Variants in IMPDH1 observed in about 807,000 individuals in gnomAD.
IMPDH1 encodes inosine-5'-monophosphate dehydrogenase 1.
IMPDH1 carries 41 observed loss-of-function variants against 73.5 expected under a neutral mutation model. The ratio of observed to expected loss-of-function variants is 0.56; its 90% CI spans 0.43 to 0.72. The LOEUF (loss-of-function observed/expected upper bound fraction) is 0.72. IMPDH1 is among the 30% of genes least tolerant of loss of function. The pLI, the probability that IMPDH1 is intolerant of heterozygous loss-of-function variation, is 0.00. For missense variants in IMPDH1, 645 were observed against 824.8 expected, an observed-to-expected ratio of 0.78 and a Z score of 2.67; for synonymous variants, 318 against 334.3, an observed-to-expected ratio of 0.95 and a Z score of 0.53.
At chr7:128,406,397 C>T (rs1171294914) in intron 3 of IMPDH1, among the ~76,000 whole-genome samples, 1 of 149,870 alleles carries the variant, frequency 6.7e-6, no homozygotes, top group Non-Finnish European at 1.5e-5. Flanking sequence ...TCTGCCGTTC[C>T]CCAATCCCCA....
At chr7:128,393,070 G>A (rs1797643078) in intron 16 of IMPDH1, 42 bp from the exon 17 acceptor site, 1 of 1,610,854 alleles carries the variant, frequency 6.2e-7, no homozygotes, top group South Asian at 1.1e-5. Flanking sequence ...GTGGGTGTGT[G>A]GACCCTGCTC....
In IMPDH1 at chr7:128,396,072, C is replaced by T. The variant is rs1284207178; in HGVS notation, c.1261+528G>A. ...ACCCAAGTCTTCCAGGCAGCCACCC[C>T]ACAAGTCAGATACCAGCCTCCAGGG... On this transcript the variant is annotated intron_variant, in intron 12 of 16. Transcript: ENST00000338791. The surrounding 1 kb of genome is among the most constrained non-coding windows in gnomAD (Gnocchi z 4.0). 6.6e-6 allele frequency among the ~76,000 whole-genome samples: 1 copy of T among 152,118 alleles called. No homozygotes were observed. Among genetic ancestry groups the T allele is most frequent in the African/African-American group, 2.4e-5 (1 of 41,414 alleles).
intron 5 of IMPDH1, among the ~76,000 whole-genome samples, 196 bp from the exon 6 acceptor site, chr7:128,401,312 G>C (rs1053693528): frequency 1.7e-4 from 26 of 152,222 alleles, no homozygotes; most frequent in African/African-American, 5.8e-4. Flanking sequence ...ATATGCTCAA[G>C]ATGACTTCAG....
At chr7:128,395,670 G>A (rs550562013) in intron 12 of IMPDH1, among the ~76,000 whole-genome samples, 1 of 152,376 alleles carries the variant, frequency 6.6e-6, no homozygotes, top group Admixed American at 6.5e-5. Flanking sequence ...ATTTCTTCAA[G>A]TCTAAGTGTC....
intron 4 of IMPDH1, 106 bp downstream of exon 4, chr7:128,405,661 C>T: frequency 7.0e-7 from 1 of 1,425,208 alleles, no homozygotes. Flanking sequence ...ACAGCAGGCA[C>T]TCGCACCGGG....
intron 16 of IMPDH1, 43 bp from the exon 17 acceptor site, chr7:128,393,071 G>C: frequency 6.2e-7 from 1 of 1,610,570 alleles, no homozygotes; most frequent in Non-Finnish European, 8.5e-7. Context: ...TGGGTGTGTG[G>C]ACCCTGCTCC....
In IMPDH1 at chr7:128,392,909, G is replaced by T; in HGVS notation, c.*98C>A. ...CTGGAAAGGAGCTGGAGAACCCGTA[G>T]TGCAAATCTGTGGACCACTCAGTTA... On this transcript the variant is annotated 3_prime_UTR_variant, in exon 17 of 17. Coordinates refer to ENST00000338791, the MANE Select transcript of IMPDH1 (RefSeq NM_000883.4). 1 of 1,220,742 alleles carries T rather than the reference G, an allele frequency of 8.2e-7. No individual in the cohort carries two copies. The highest frequency in any genetic ancestry group is 1.2e-6 in the Non-Finnish European group (1 of 823,946). 75.6% of individuals were successfully genotyped at this position (1,220,742 alleles called of 1,614,324 possible). A position where few individuals can be genotyped will look rare whatever the true frequency, so the allele number is the denominator to read the frequency against.
At chr7:128,408,717 C>G (rs1033653743) in intron 3 of IMPDH1, among the ~76,000 whole-genome samples, 1 of 152,198 alleles carries the variant, frequency 6.6e-6, no homozygotes, top group African/African-American at 2.4e-5. Context: ...CTGTCAAGCC[C>G]CAACCGGCTC....
At position 128,398,663 on chromosome 7, in the gene IMPDH1, T is replaced by C. The variant is rs1161287350; in HGVS notation, c.875-50A>G. The C allele has an allele frequency of 2.0e-6, 3 of 1,483,130 alleles. No homozygotes were observed. The highest frequency in any genetic ancestry group is 2.8e-6 in the Non-Finnish European group (3 of 1,064,944). The allele number at this position is 1,483,130 out of a possible 1,614,324, so 91.9% of individuals were successfully genotyped here. A position where few individuals can be genotyped will look rare whatever the true frequency, so the allele number is the denominator to read the frequency against. ...TGAAGCAGGCTTGGTGGGGAGAAGT[T>C]TGGGAGATGTTTAGGAGGGTGAAGA... On this transcript the variant is annotated intron_variant, in intron 9 of 16. Transcript: ENST00000338791. The surrounding 1 kb of genome is among the most constrained non-coding windows in gnomAD (Gnocchi z 4.3).
At chr7:128,401,234 G>A (rs1214312004) in intron 5 of IMPDH1, 118 bp from the exon 6 acceptor site, 17 of 738,472 alleles carry the variant, frequency 2.3e-5, no homozygotes, top group South Asian at 2.0e-4. Context: ...TGAACAAGGT[G>A]GATGAGTTCC....
intron 4 of IMPDH1, 54 bp from the exon 5 acceptor site, chr7:128,403,808 CAG>C: frequency 6.7e-7 from 1 of 1,502,186 alleles, no homozygotes; most frequent in Non-Finnish European, 9.3e-7. Flanking sequence ...CCCAAAGGGG[CAG>C]AGCCTGCCAT....
At chr7:128,406,593 A>G (rs1282862704) in intron 3 of IMPDH1, among the ~76,000 whole-genome samples, 1 of 151,990 alleles carries the variant, frequency 6.6e-6, no homozygotes, top group African/African-American at 2.4e-5. Context: ...TGCAGTTTAC[A>G]AAGCATTTTT....
intron 5 of IMPDH1, 52 bp from the exon 6 acceptor site, chr7:128,401,168 C>CA (rs1798309932): frequency 1.5e-6 from 2 of 1,377,456 alleles, no homozygotes; most frequent in Non-Finnish European, 2.1e-6. Context: ...ACTGGACACT[C>CA]ACTCACTGAG....
chr7:128,409,729 C>T, intron 1 of IMPDH1, 27 bp downstream of exon 1: 1 of 1,525,816 alleles, frequency 6.6e-7, no homozygotes, highest in Non-Finnish European at 8.8e-7. Context: ...CCCGGATGCG[C>T]CCCGCGCGCT....
Position 128,394,509 on chromosome 7 carries a change from T to G in IMPDH1, c.1641A>C (p.Ala547=). 6.2e-7 allele frequency: 1 copy of G among 1,614,012 alleles called. No individual in the cohort carries two copies. The highest frequency in any genetic ancestry group is 8.5e-7 in the Non-Finnish European group (1 of 1,179,976). ...SIQKFVPYLI[A]GIQHGCQDIG... ...TATCCTGGCAGCCGTGTTGGATGCCTGCTATGAGGTAGGGCACGAACTTCT... is the reference window on the plus strand; with the variant it reads ...TATCCTGGCAGCCGTGTTGGATGCCGGCTATGAGGTAGGGCACGAACTTCT... The change falls in exon 15 of 17, where the codon GCA becomes GCC. Residue 547 remains alanine, a synonymous_variant. Transcript: ENST00000338791. This position sits in a 1 kb window ranked among gnomAD's most constrained non-coding sequence, Gnocchi z 5.5.
rs1335897909 is a variant in IMPDH1 at position 128,409,944 on chromosome 7, C to G, written c.-43G>C. On this transcript the variant is annotated 5_prime_UTR_variant, in exon 1 of 17. Coordinates refer to ENST00000338791, the MANE Select transcript of IMPDH1 (RefSeq NM_000883.4). ...GGGCGGGCGGGAGCCTGGAGGCTCC[C>G]GGGGCCCCGGCTGGGCAGTGAGCGC... The G allele has an allele frequency of 7.6e-7, 1 of 1,322,366 alleles. No individual in the cohort carries two copies. Among genetic ancestry groups the G allele is most frequent in the African/African-American group, 1.5e-5 (1 of 64,608 alleles). 81.9% of individuals were successfully genotyped at this position (1,322,366 alleles called of 1,614,324 possible).
At chr7:128,402,717 T>C (rs1459888889) in intron 5 of IMPDH1, among the ~76,000 whole-genome samples, 2 of 152,176 alleles carry the variant, frequency 1.3e-5, no homozygotes, top group African/African-American at 4.8e-5. Flanking sequence ...GAAATGTTTT[T>C]TTTTTAATGT....
Position 128,409,783 on chromosome 7 carries a change from A to G in IMPDH1, c.119T>C (p.Leu40Pro), listed in dbSNP as rs1293669910. ...CTCGGGCTCGTAGCCGGCCTGCAGC[A>G]GTCGGGCGCTGTACCGCTGCGCCGC... ...ETAAQRYSAR[L>P]LQAGYEPESP... The change falls in exon 1 of 17, where the codon CTG (leucine) becomes CCG (proline). Residue 40 changes from leucine (L) to proline (P), a missense_variant. This residue lies in a region of IMPDH1 where 186 missense variants were observed against 186.6 expected (regional missense o/e 1.00). Transcript: ENST00000338791. The G allele has an allele frequency of 2.6e-6, 4 of 1,519,524 alleles. No homozygotes were observed. The highest frequency in any genetic ancestry group is 1.8e-6 in the Non-Finnish European group (2 of 1,140,518). 94.1% of individuals were successfully genotyped at this position (1,519,524 alleles called of 1,614,324 possible).
At position 128,392,839 on chromosome 7, in the gene IMPDH1, C is replaced by T. The variant is rs531478376; in HGVS notation, c.*168G>A. ...GCAGTCCTGACTCTGCAGGGGATGC[C>T]GAGTGAGGGGCAGCAGTCCCCTCAG... On this transcript the variant is annotated 3_prime_UTR_variant, in exon 17 of 17. Transcript: ENST00000338791. The T allele has an allele frequency of 1.0e-5, 7 of 669,616 alleles. No individual in the cohort carries two copies. Among genetic ancestry groups the T allele is most frequent in the South Asian group, 3.5e-5 (2 of 57,162 alleles). The allele number at this position is 669,616 out of a possible 1,614,324, so 41.5% of individuals were successfully genotyped here.
Sources: gnomAD v4.1 joint callset for allele counts (sites outside exome capture counted in the v4.1 genomes callset) on GRCh38, gnomAD v4.1.1 for gene constraint, gnomAD v4.1.1 regional missense constraint, Gnocchi (gnomAD v3.1) non-coding constraint, MANE v1.5 for transcripts, NCBI Gene and HGNC (gene_info 2026-07-23, HGNC 2026-07-21) for gene names.